VTI1A: variants seen among roughly 807,000 people sequenced by gnomAD.
The protein encoded by VTI1A is vesicle transport through interaction with t-SNAREs homolog 1A.
VTI1A carries 22 observed loss-of-function variants against 34.9 expected under a neutral mutation model. The observed-to-expected ratio is 0.63, with a 90% CI of 0.45 to 0.90. VTI1A has a LOEUF of 0.90. Ranked by LOEUF, VTI1A falls within the 40% of genes least tolerant of loss-of-function variation. The pLI, the probability that VTI1A is intolerant of heterozygous loss-of-function variation, is 0.00. For missense variants in VTI1A, 268 were observed against 275.6 expected (o/e 0.97, Z 0.20); for synonymous variants, 87 against 97.3 (o/e 0.89, Z 0.62).
At chr10:112,597,172 A>C (rs1435278065) in intron 5 of VTI1A, among the ~76,000 whole-genome samples, 1 of 152,086 alleles carries the variant, frequency 6.6e-6, no homozygotes, top group African/African-American at 2.4e-5. Flanking sequence ...CACTTACGCT[A>C]ACCTTTGGGA....
intron 3 of VTI1A, among the ~76,000 whole-genome samples, chr10:112,508,068 A>G (rs1849491304): frequency 6.6e-6 from 1 of 151,844 alleles, no homozygotes; most frequent in Admixed American, 6.6e-5. Flanking sequence ...CAATAAGTCT[A>G]TTGTGATTTT....
chr10:112,827,079 T>C, the VTI1A span: 4 of 152,364 alleles, frequency 2.6e-5, no homozygotes, highest in African/African-American at 9.6e-5. Context: ...TTTTATCTTA[T>C]TTCACTTATT....
intron 7 of VTI1A, among the ~76,000 whole-genome samples, chr10:112,803,699 A>G (rs1170195932): frequency 1.3e-5 from 2 of 152,172 alleles, no homozygotes; most frequent in Non-Finnish European, 2.9e-5. Flanking sequence ...CCAGGAGGTG[A>G]AGGCTGCAGT....
Position 112,816,800 on chromosome 10 carries a change from G to A in VTI1A, c.*1417G>A, listed in dbSNP as rs1027274961. 1 of 229,338 alleles carries A rather than the reference G, an allele frequency of 4.4e-6. No homozygotes were observed. The highest frequency in any genetic ancestry group is 8.7e-6 in the Non-Finnish European group (1 of 115,528). 14.2% of individuals were successfully genotyped at this position (229,338 alleles called of 1,614,324 possible). A position where few individuals can be genotyped will look rare whatever the true frequency, so the allele number is the denominator to read the frequency against. On this transcript the variant is annotated 3_prime_UTR_variant, in exon 8 of 8. Transcript: ENST00000393077. The stretch of plus-strand genomic sequence containing the variant: ...GCCCGTGGATCAATATCACCTGGAT[G>A]TAGTGCTTGATATTTTTCCCAACTC...
At chr10:112,635,521 C>A (rs1846320679) in intron 5 of VTI1A, among the ~76,000 whole-genome samples, 1 of 152,088 alleles carries the variant, frequency 6.6e-6, no homozygotes, top group Admixed American at 6.6e-5. Flanking sequence ...TTGGATTTTT[C>A]TTGGTGAGCA....
At chr10:112,531,870 G>A (rs1042714189) in intron 4 of VTI1A, among the ~76,000 whole-genome samples, 2 of 152,114 alleles carry the variant, frequency 1.3e-5, no homozygotes, top group Non-Finnish European at 2.9e-5. Context: ...ATATATGATA[G>A]GCCAGGTATT....
At chr10:112,686,452 A>G (rs1848417873) in intron 7 of VTI1A, among the ~76,000 whole-genome samples, 1 of 152,226 alleles carries the variant, frequency 6.6e-6, no homozygotes, top group Non-Finnish European at 1.5e-5. Context: ...TAAGGGGGCC[A>G]TACAAACTAT....
chr10:112,793,887 G>A (rs1375004859), intron 7 of VTI1A, among the ~76,000 whole-genome samples: 1 of 152,172 alleles, frequency 6.6e-6, no homozygotes, highest in Non-Finnish European at 1.5e-5. Context: ...GGTGCACTGT[G>A]TACCCTCCTG....
intron 7 of VTI1A, among the ~76,000 whole-genome samples, chr10:112,704,709 A>G (rs947403646): frequency 7.9e-5 from 12 of 152,264 alleles, no homozygotes; most frequent in Admixed American, 2.6e-4. Flanking sequence ...ACACTCTCTA[A>G]TTGGTAGTTG....
At chr10:112,708,783 A>T (rs2133915646) in intron 7 of VTI1A, among the ~76,000 whole-genome samples, 1 of 152,374 alleles carries the variant, frequency 6.6e-6, no homozygotes, top group Middle Eastern at 3.4e-3. Flanking sequence ...TAAACATGGA[A>T]TTATGTTGTA....
At chr10:112,708,482 T>G (rs1440890678) in intron 7 of VTI1A, among the ~76,000 whole-genome samples, 1 of 152,246 alleles carries the variant, frequency 6.6e-6, no homozygotes, top group Non-Finnish European at 1.5e-5. Context: ...TAGAAGACTG[T>G]TTCCTAAAAG....
intron 5 of VTI1A, among the ~76,000 whole-genome samples, chr10:112,630,014 G>T (rs1200955188): frequency 2.6e-5 from 4 of 152,298 alleles, no homozygotes; most frequent in African/African-American, 9.6e-5. Flanking sequence ...AGGGACTCTA[G>T]TATGTTAAAG....
the VTI1A span, among the ~76,000 whole-genome samples, chr10:112,853,428 A>G: frequency 6.6e-6 from 1 of 152,182 alleles, no homozygotes; most frequent in African/African-American, 2.4e-5. Flanking sequence ...CTGCATTTAT[A>G]TACTGGAGAT....
chr10:112,709,682 CTTTTTTTTTTTTTTTTT>C (rs57081938), intron 7 of VTI1A, among the ~76,000 whole-genome samples: 2 of 70,256 alleles, frequency 2.8e-5, no homozygotes, highest in African/African-American at 6.5e-5. Flanking sequence ...CTCTATGTGG[CTTTTTTTTTTTTTTTTT>C]TTTTTTTTTT....
chr10:112,821,593 A>C (rs1422699594), downstream of VTI1A, among the ~76,000 whole-genome samples: 1 of 152,138 alleles, frequency 6.6e-6, no homozygotes, highest in East Asian at 1.9e-4. Flanking sequence ...CTGGGCTGAC[A>C]CCTGTGGGGG....
chr10:112,837,200 A>G, the VTI1A span, among the ~76,000 whole-genome samples: 34 of 152,186 alleles, frequency 2.2e-4, no homozygotes, highest in African/African-American at 7.7e-4. Flanking sequence ...GGTGGTGCAC[A>G]CCGGTAATCC....
chr10:112,567,819 C>G (rs1487223133), intron 5 of VTI1A, among the ~76,000 whole-genome samples: 2 of 152,152 alleles, frequency 1.3e-5, no homozygotes, highest in African/African-American at 4.8e-5. Flanking sequence ...CATGGTAGAT[C>G]ATGTCTCTCT....
intron 7 of VTI1A, among the ~76,000 whole-genome samples, chr10:112,682,716 T>C (rs571123467): frequency 6.6e-6 from 1 of 152,368 alleles, no homozygotes; most frequent in East Asian, 1.9e-4. Flanking sequence ...CTGTTAGCTC[T>C]GCCATGTCAG....
At chr10:112,532,845 T>G (rs1850493913) in intron 4 of VTI1A, among the ~76,000 whole-genome samples, 1 of 152,100 alleles carries the variant, frequency 6.6e-6, no homozygotes, top group Non-Finnish European at 1.5e-5. Flanking sequence ...TGGTAGCCTC[T>G]TAAGCAAAAT....
Sources: gnomAD v4.1 joint callset for allele counts (sites outside exome capture counted in the v4.1 genomes callset) on GRCh38, gnomAD v4.1.1 for gene constraint, MANE v1.5 for transcripts, NCBI Gene and HGNC (gene_info 2026-07-23, HGNC 2026-07-21) for gene names.